The following CREBRF variants were observed in gnomAD, a reference collection of about 807,000 sequenced individuals.
The protein encoded by CREBRF is CREB3 regulatory factor.
Under a neutral mutation model 66.1 loss-of-function variants are expected in CREBRF, and 5 were observed. That is an observed-to-expected ratio of 0.08 (90% CI 0.04 to 0.16). CREBRF has a LOEUF of 0.16. Ranked by LOEUF, CREBRF falls within the 10% of genes least tolerant of loss-of-function variation. The probability of loss-of-function intolerance (pLI) is 1.00; values close to 1 mark genes in which losing one functional copy is unlikely to be tolerated. For synonymous variants in CREBRF, 229 were observed against 264.4 expected (o/e 0.87, Z 1.30); for missense variants, 531 against 744.9 (o/e 0.71, Z 3.34).
chr5:173,099,865 T>C (rs2113755128), intron 4 of CREBRF, among the ~76,000 whole-genome samples: 1 of 151,302 alleles, frequency 6.6e-6, no homozygotes, highest in African/African-American at 2.4e-5. Flanking sequence ...ATATTGTGTA[T>C]CCCTTAAGAA....
At position 173,136,487 on chromosome 5, in the gene CREBRF, A is replaced by G. The variant is rs568374639; in HGVS notation, c.*2742A>G. 1 of 152,576 alleles carries G rather than the reference A, an allele frequency of 6.6e-6. No individual in the cohort carries two copies. The highest frequency in any genetic ancestry group is 2.1e-4 in the South Asian group (1 of 4,818). The allele number at this position is 152,576 out of a possible 1,614,324, so 9.5% of individuals were successfully genotyped here. On this transcript the variant is annotated 3_prime_UTR_variant, in exon 9 of 9. Transcript: ENST00000296953. ...AGAATGCTGCAGCGATACTTGATCT[A>G]TATAAAAACCTGGCAGTAAAATGTA...
At chr5:173,114,929 A>T (rs1758950393) in intron 7 of CREBRF, among the ~76,000 whole-genome samples, 1 of 152,148 alleles carries the variant, frequency 6.6e-6, no homozygotes, top group African/African-American at 2.4e-5. Context: ...GTTTGGACTC[A>T]ATTTCTGAGA....
At chr5:173,112,505 T>C in intron 7 of CREBRF, 126 bp downstream of exon 7, 1 of 605,024 alleles carries the variant, frequency 1.7e-6, no homozygotes, top group Non-Finnish European at 2.9e-6. Context: ...CCTATTTGTT[T>C]ATCTGTTCAG....
At chr5:173,074,093 A>G (rs1401810948) in intron 1 of CREBRF, among the ~76,000 whole-genome samples, 3 of 151,998 alleles carry the variant, frequency 2.0e-5, no homozygotes, top group Non-Finnish European at 4.4e-5. Context: ...ACCGGAGTTC[A>G]GGAGTTTGAG....
chr5:173,118,729 C>T (rs1759066634), intron 7 of CREBRF, among the ~76,000 whole-genome samples: 2 of 137,202 alleles, frequency 1.5e-5, no homozygotes, highest in South Asian at 4.8e-4. Flanking sequence ...GGATACAAAA[C>T]TTTTTTTTTT....
chr5:173,103,383 T>C (rs1039317996), intron 4 of CREBRF, among the ~76,000 whole-genome samples: 3 of 152,198 alleles, frequency 2.0e-5, no homozygotes, highest in African/African-American at 7.2e-5. Context: ...GCTAGTAAAA[T>C]TTTCTCCTTT....
chr5:173,125,041 C>T (rs537183798), intron 8 of CREBRF, among the ~76,000 whole-genome samples: 3 of 151,660 alleles, frequency 2.0e-5, no homozygotes, highest in Non-Finnish European at 4.4e-5. Context: ...GCCTCAGCCT[C>T]CTGAGTAGCT....
At position 173,094,386 on chromosome 5, in the gene CREBRF, A is replaced by G. The variant is rs1209169036; in HGVS notation, c.1222+2985A>G. Among the ~76,000 whole-genome samples the G allele has an allele frequency of 3.9e-5, 6 of 152,282 alleles. No homozygotes were observed. The East Asian group carries it at 1.2e-3, about 29-fold the overall frequency. On this transcript the variant is annotated intron_variant, in intron 4 of 8. Coordinates refer to ENST00000296953, the MANE Select transcript of CREBRF (RefSeq NM_153607.3). ...GCTGTTTTCCATAATGACTGTACCA[A>G]TTTACATTCCCACTAATAGTTTACA...
chr5:173,061,626 G>A (rs549763093), intron 1 of CREBRF, among the ~76,000 whole-genome samples: 16 of 152,196 alleles, frequency 1.1e-4, no homozygotes, highest in East Asian at 1.9e-4. Context: ...TGATAGTCAC[G>A]TGAATAGTCA....
At position 173,107,359 on chromosome 5, in the gene CREBRF, G is replaced by A. The variant is rs1333470229; in HGVS notation, c.1223-1265G>A. Among the ~76,000 whole-genome samples the A allele has an allele frequency of 3.3e-5, 5 of 152,118 alleles. No homozygotes were observed. The East Asian group carries it at 9.6e-4, about 29-fold the overall frequency. ...ATGTACCTAGCGTTAATGATCTGGAGTACATCAGAGGTGGCCATTCTCTGA... is the reference window on the plus strand; with the variant it reads ...ATGTACCTAGCGTTAATGATCTGGAATACATCAGAGGTGGCCATTCTCTGA... On this transcript the variant is annotated intron_variant, in intron 4 of 8. Coordinates refer to ENST00000296953, the MANE Select transcript of CREBRF (RefSeq NM_153607.3).
chr5:173,060,947 A>G (rs1757251563), intron 1 of CREBRF, among the ~76,000 whole-genome samples: 1 of 152,122 alleles, frequency 6.6e-6, no homozygotes, highest in Non-Finnish European at 1.5e-5. Context: ...CCCTGTTGTA[A>G]GACATCAGTC....
At chr5:173,092,876 C>T (rs1758384415) in intron 4 of CREBRF, among the ~76,000 whole-genome samples, 1 of 152,054 alleles carries the variant, frequency 6.6e-6, no homozygotes, top group Admixed American at 6.6e-5. Context: ...GGGATTGTGC[C>T]TTCTTCATTG....
intron 4 of CREBRF, among the ~76,000 whole-genome samples, chr5:173,094,593 G>A (rs1009627345): frequency 1.3e-5 from 2 of 152,126 alleles, no homozygotes; most frequent in Admixed American, 1.3e-4. Context: ...TTTTAAAAAT[G>A]TTTATTCAGG....
chr5:173,059,435 T>C (rs764114637), intron 1 of CREBRF, among the ~76,000 whole-genome samples: 2 of 151,866 alleles, frequency 1.3e-5, no homozygotes, highest in African/African-American at 2.4e-5. Context: ...CGGCTAATTT[T>C]GTATTTTTAG....
chr5:173,108,903 G>T, intron 5 of CREBRF, 85 bp downstream of exon 5: 2 of 1,261,028 alleles, frequency 1.6e-6, no homozygotes, highest in Non-Finnish European at 1.1e-6. Context: ...GTGTACCTAG[G>T]CATTCAGCCC....
intron 4 of CREBRF, chr5:173,092,193 T>C: frequency 1.0e-6 from 1 of 958,096 alleles, no homozygotes. Context: ...GATGATGGTT[T>C]ATATTACTCA....
At chr5:173,082,628 C>T (rs1757991071) in intron 2 of CREBRF, among the ~76,000 whole-genome samples, 1 of 151,376 alleles carries the variant, frequency 6.6e-6, no homozygotes, top group African/African-American at 2.4e-5. Context: ...AATTTTTGGC[C>T]AGTTGGCAGT....
intron 4 of CREBRF, among the ~76,000 whole-genome samples, chr5:173,101,229 AT>A (rs35560424): frequency 0.66 from 100,232 of 151,160 alleles, 33,685 homozygotes; most frequent in African/African-American, 0.72. Flanking sequence ...TAATTTTTGT[AT>A]TTTTTTTGTA....
intron 4 of CREBRF, chr5:173,092,316 T>C (rs1758369060): frequency 2.0e-6 from 2 of 981,632 alleles, no homozygotes; most frequent in Admixed American, 1.2e-4. Flanking sequence ...CATGCTGTAA[T>C]TTGGTGAGCA....
Sources: gnomAD v4.1 joint callset for allele counts (sites outside exome capture counted in the v4.1 genomes callset) on GRCh38, gnomAD v4.1.1 for gene constraint, MANE v1.5 for transcripts, NCBI Gene and HGNC (gene_info 2026-07-23, HGNC 2026-07-21) for gene names.